Variants in NAF1 observed in about 807,000 individuals in gnomAD.
The protein encoded by NAF1 is H/ACA ribonucleoprotein complex non-core subunit NAF1.
In NAF1, 11 loss-of-function variants were observed where a neutral mutation model predicts 40.6. The observed-to-expected ratio is 0.27, with a 90% confidence interval of 0.17 to 0.45. The LOEUF is 0.45. NAF1 is among the 20% of genes least tolerant of loss of function. The pLI, the probability that NAF1 is intolerant of heterozygous loss-of-function variation, is 1.00. For synonymous variants in NAF1, 260 were observed against 228.5 expected, an observed-to-expected ratio of 1.14 and a Z score of -1.24; for missense variants, 607 against 611.1, an observed-to-expected ratio of 0.99 and a Z score of 0.07.
In NAF1 at chr4:163,166,647, C is replaced by A. The variant is rs753225499; in HGVS notation, c.81G>T (p.Pro27=). The change falls in exon 1 of 8, where the codon CCG becomes CCT. Residue 27 remains proline, a synonymous_variant. Coordinates refer to ENST00000274054, the MANE Select transcript of NAF1 (RefSeq NM_138386.3). ...GGGCAGAGCCCGGAGACGGAGCCGC[C>A]GGACCTTCCCCAACTCCAAAGTCGG... ...NGTDFGVGEG[P]AAPSPGSAPV... 11 of 1,613,136 alleles carry A rather than the reference C, an allele frequency of 6.8e-6. No homozygotes were observed. The highest frequency in any genetic ancestry group is 9.3e-6 in the Non-Finnish European group (11 of 1,179,890).
downstream of NAF1, among the ~76,000 whole-genome samples, chr4:163,109,171 T>C (rs924066425): frequency 1.3e-5 from 2 of 151,738 alleles, no homozygotes; most frequent in South Asian, 4.2e-4. Flanking sequence ...TTTTTTTTTT[T>C]TTTTTCACAT....
intron 6 of NAF1, chr4:163,135,790 C>G (rs1457950539): frequency 2.0e-5 from 3 of 151,802 alleles, no homozygotes; most frequent in African/African-American, 7.3e-5. Context: ...ACTCCATCCC[C>G]TACCCAAAAA....
At chr4:163,147,413 G>A (rs1173500726) in intron 3 of NAF1, among the ~76,000 whole-genome samples, 2 of 152,096 alleles carry the variant, frequency 1.3e-5, no homozygotes, top group African/African-American at 4.8e-5. Flanking sequence ...TGTCAGTGCT[G>A]AGTTCTATTC....
At chr4:163,106,634 A>C (rs2110779692), downstream of NAF1, among the ~76,000 whole-genome samples, 1 of 152,304 alleles carries the variant, frequency 6.6e-6, no homozygotes, top group South Asian at 2.1e-4. Context: ...TCTTATATTA[A>C]TACAGAATCA....
At chr4:163,146,095 T>A (rs978112403) in intron 3 of NAF1, among the ~76,000 whole-genome samples, 1 of 152,088 alleles carries the variant, frequency 6.6e-6, no homozygotes, top group Non-Finnish European at 1.5e-5. Context: ...GGGAAAAAAA[T>A]TAAAATGCAA....
downstream of NAF1, among the ~76,000 whole-genome samples, chr4:163,105,221 T>G (rs1161340009): frequency 6.6e-6 from 1 of 152,156 alleles, no homozygotes. Flanking sequence ...GCTCTGCAAT[T>G]TGCTGGCTGT....
chr4:163,109,199 G>A (rs557251677), downstream of NAF1, among the ~76,000 whole-genome samples: 1 of 150,160 alleles, frequency 6.7e-6, no homozygotes, highest in South Asian at 2.1e-4. Flanking sequence ...TAATCTTGGA[G>A]GGGCTAAGTG....
rs148465350 is a variant in NAF1, at chr4:163,137,687, TC to T, written c.879-438del. Among the ~76,000 whole-genome samples, 902 of 152,262 alleles carry T rather than the reference TC, an allele frequency of 5.9e-3. 11 individuals carry two copies. The highest frequency in any genetic ancestry group is 0.02 in the African/African-American group (828 of 41,558). On this transcript the variant is annotated intron_variant, in intron 5 of 7. Transcript: ENST00000274054. ...TTTTACAGGTTTAATGGCAGAGATA[TC>T]AATATGAATTATTTTCTCCTCAGTT...
chr4:163,114,531 G>A (rs1730266609), intron 2 of NAF1, among the ~76,000 whole-genome samples: 1 of 152,148 alleles, frequency 6.6e-6, no homozygotes, highest in Admixed American at 6.5e-5. Context: ...GAATAATGAT[G>A]GATAATCACG....
intron 2 of NAF1, among the ~76,000 whole-genome samples, chr4:163,115,199 A>ATATTTT (rs1730291445): frequency 9.6e-6 from 1 of 103,708 alleles, no homozygotes; most frequent in African/African-American, 3.9e-5. Flanking sequence ...TAGGACAATA[A>ATATTTT]TTTTTTTATT....
chr4:163,136,498 T>G (rs1399799969), intron 6 of NAF1, among the ~76,000 whole-genome samples: 1 of 151,638 alleles, frequency 6.6e-6, no homozygotes, highest in East Asian at 1.9e-4. Flanking sequence ...ATGAATATAT[T>G]CATTGTTGTA....
downstream of NAF1, chr4:163,127,091 C>G (rs1417125709): frequency 6.4e-7 from 1 of 1,551,538 alleles, no homozygotes; most frequent in Admixed American, 2.0e-5. Context: ...TCCGAGGCCA[C>G]AATATCTGTG....
At chr4:163,112,190 G>T (rs1039144458) in intron 2 of NAF1, among the ~76,000 whole-genome samples, 1 of 152,032 alleles carries the variant, frequency 6.6e-6, no homozygotes, top group Non-Finnish European at 1.5e-5. Flanking sequence ...ATGATTGGGG[G>T]GGGAGAAAAA....
intron 3 of NAF1, 45 bp from the exon 4 acceptor site, chr4:163,145,909 TG>T: frequency 1.0e-6 from 1 of 976,894 alleles, no homozygotes; most frequent in Non-Finnish European, 1.5e-6. Context: ...TATAAGAGAA[TG>T]TAGAATTTTA....
intron 2 of NAF1, among the ~76,000 whole-genome samples, chr4:163,113,141 T>G (rs1416605224): frequency 1.3e-5 from 2 of 152,300 alleles, no homozygotes; most frequent in East Asian, 3.9e-4. Context: ...GGCAAGCACT[T>G]CAGGGTTCCT....
At chr4:163,127,074 G>C (rs982357614), downstream of NAF1, 9 of 1,551,504 alleles carry the variant, frequency 5.8e-6, no homozygotes, top group African/African-American at 1.1e-4. Flanking sequence ...GACTGCAATG[G>C]TCTGGATCCG....
chr4:163,145,828 T>A lies in NAF1; in HGVS notation c.671A>T (p.Asn224Ile). 6.3e-7 allele frequency: 1 copy of A among 1,586,532 alleles called. No homozygotes were observed. The highest frequency in any genetic ancestry group is 2.3e-5 in the East Asian group (1 of 44,206). The change falls in exon 4 of 8, where the codon AAT becomes ATT. Residue 224 changes from asparagine (N) to isoleucine (I), a missense_variant. Coordinates refer to ENST00000274054, the MANE Select transcript of NAF1 (RefSeq NM_138386.3). Reference sequence around the variant, plus strand: ...ACTTTTAAAAATTACAGTCTCCTCATTAACTGGAGGTAGGTTAGTCATAGA... The same window carrying A: ...ACTTTTAAAAATTACAGTCTCCTCAATAACTGGAGGTAGGTTAGTCATAGA... ...IESMTNLPPV[N>I]EETVIFKSDR...
At chr4:163,106,137 C>T (rs547424206), downstream of NAF1, among the ~76,000 whole-genome samples, 10 of 152,164 alleles carry the variant, frequency 6.6e-5, no homozygotes, top group South Asian at 2.1e-3. Flanking sequence ...ACCAGGAGAC[C>T]ACTATTGACA....
Position 163,140,348 on chromosome 4 carries a change from A to C in NAF1, c.753T>G (p.Phe251Leu), listed in dbSNP as rs367866365. Residue 251 changes from phenylalanine to leucine, a missense_variant, in exon 5 of 8, where the codon TTT becomes TTG. Phe to Leu is a conservative substitution (Grantham distance 22). Around this residue, in one of 3 missense-constraint regions of NAF1, gnomAD observed 407 missense variants for 365.5 expected, o/e 1.11. Coordinates refer to ENST00000274054, the MANE Select transcript of NAF1 (RefSeq NM_138386.3). ...CTGAAGAATTAAACCGTAACACATA[A>C]AATGGATGTGCAACAGGTCCAAATA... ...FEIFGPVAHP[F>L]YVLRFNSSDH... The C allele has an allele frequency of 6.2e-7, 1 of 1,607,542 alleles. No homozygotes were observed. Among genetic ancestry groups the C allele is most frequent in the African/African-American group, 1.3e-5 (1 of 74,606 alleles).
Sources: gnomAD v4.1 joint callset for allele counts (sites outside exome capture counted in the v4.1 genomes callset) on GRCh38, gnomAD v4.1.1 for gene constraint, gnomAD v4.1.1 regional missense constraint, MANE v1.5 for transcripts, NCBI Gene and HGNC (gene_info 2026-07-23, HGNC 2026-07-21) for gene names.